The following PGLS variants were observed in gnomAD, a reference collection of about 807,000 sequenced individuals.
PGLS encodes 6-phosphogluconolactonase.
PGLS carries 21 observed loss-of-function variants against 23.2 expected under a neutral mutation model. The ratio of observed to expected loss-of-function variants is 0.91; its 90% confidence interval spans 0.64 to 1.31. The LOEUF (loss-of-function observed/expected upper bound fraction) is 1.31, where lower values mean the gene tolerates loss of function less well. PGLS is among the 50% of genes most tolerant of loss of function. The pLI, the probability that PGLS is intolerant of heterozygous loss-of-function variation, is 0.00. For synonymous variants in PGLS, 179 were observed against 165.4 expected (o/e 1.08, Z -0.63); for missense variants, 410 against 354.0 (o/e 1.16, Z -1.27).
chr19:17,513,512 T>TAAAAAAA (rs34816451), intron 1 of PGLS, among the ~76,000 whole-genome samples: 2 of 137,846 alleles, frequency 1.5e-5, no homozygotes, highest in Non-Finnish European at 3.1e-5. Context: ...GTCTTAAAGA[T>TAAAAAAA]AAAAAAAAAA....
At chr19:17,516,583 C>CA in intron 2 of PGLS, 8 of 709,598 alleles carry the variant, frequency 1.1e-5, no homozygotes, top group Non-Finnish European at 1.4e-5. Flanking sequence ...ACTTGTATTT[C>CA]TTTTTTTTTT....
At chr19:17,515,587 G>A (rs538095403) in intron 1 of PGLS, among the ~76,000 whole-genome samples, 2 of 152,252 alleles carry the variant, frequency 1.3e-5, no homozygotes, top group South Asian at 4.1e-4. Context: ...GGTGCAGGCG[G>A]GGGTGGCTGC....
At chr19:17,519,495 G>C (rs911581954) in intron 4 of PGLS, among the ~76,000 whole-genome samples, 1 of 151,608 alleles carries the variant, frequency 6.6e-6, no homozygotes, top group African/African-American at 2.4e-5. Flanking sequence ...CACCTCCCGG[G>C]TTCAAGTGCT....
At position 17,511,858 on chromosome 19, in the gene PGLS, CGCCCCTGCCGG is replaced by C; in HGVS notation, c.190_200del (p.Pro64SerfsTer2). On this transcript the variant is annotated frameshift_variant, in exon 1 of 5. Transcript: ENST00000252603. LOFTEE classifies it high-confidence loss of function. ...TAGCCCGCGAGCTACCCGCCGCCGT[CGCCCCTGCCGG>C]GCCAGCTAGCTTAGCGCGCTGGACG... 1 of 1,533,240 alleles carries C rather than the reference CGCCCCTGCCGG, an allele frequency of 6.5e-7. No individual in the cohort carries two copies. The highest frequency in any genetic ancestry group is 1.4e-5 in the African/African-American group (1 of 70,652). 95.0% of individuals were successfully genotyped at this position (1,533,240 alleles called of 1,614,324 possible). A position where few individuals can be genotyped will look rare whatever the true frequency, so the allele number is the denominator to read the frequency against.
intron 4 of PGLS, chr19:17,520,715 A>G: frequency 2.7e-6 from 1 of 370,132 alleles, no homozygotes; most frequent in African/African-American, 2.1e-5. Context: ...TGGGAGACAG[A>G]GTGAGACTCC....
chr19:17,517,177 C>T (rs1568433058), intron 2 of PGLS, 111 bp from the exon 3 acceptor site: 8 of 729,304 alleles, frequency 1.1e-5, no homozygotes, highest in East Asian at 5.2e-5. Context: ...GCCACCATGC[C>T]CAGCCACAGC....
chr19:17,519,698 C>T (rs1476504289), intron 4 of PGLS, among the ~76,000 whole-genome samples: 1 of 152,160 alleles, frequency 6.6e-6, no homozygotes, highest in Non-Finnish European at 1.5e-5. Context: ...CCGCACCCGG[C>T]CCAGAAAAGT....
chr19:17,517,266 G>A (rs750561927), intron 2 of PGLS, 22 bp from the exon 3 acceptor site: 2 of 1,548,814 alleles, frequency 1.3e-6, no homozygotes, highest in East Asian at 4.5e-5. Context: ...ACCTCTCAAG[G>A]CTGTCTTCTC....
At position 17,516,241 on chromosome 19, in the gene PGLS, G is replaced by A. The variant is rs145182623; in HGVS notation, c.357G>A (p.Val119=). 43 of 1,614,058 alleles carry A rather than the reference G, an allele frequency of 2.7e-5. No homozygotes were observed. The African/African-American group carries it at 4.8e-4, about 18-fold the overall frequency. The change falls in exon 2 of 5, where the codon GTG becomes GTA. Residue 119 remains valine, a synonymous_variant. Transcript: ENST00000252603. ...QVITINPELP[V]EEAAEDYAKK... ...TCACCATTAACCCCGAGCTGCCTGTGGAGGAGGCGGCTGAGGACTACGCCA... is the reference window on the plus strand; with the variant it reads ...TCACCATTAACCCCGAGCTGCCTGTAGAGGAGGCGGCTGAGGACTACGCCA...
chr19:17,512,013 C>A, intron 1 of PGLS, 53 bp downstream of exon 1: 1 of 1,483,242 alleles, frequency 6.7e-7, no homozygotes, highest in Non-Finnish European at 9.0e-7. Context: ...ACAGCCACCG[C>A]CTACACCCCG....
At chr19:17,512,085 C>A in intron 1 of PGLS, 125 bp downstream of exon 1, 1 of 1,028,298 alleles carries the variant, frequency 9.7e-7, no homozygotes, top group Non-Finnish European at 1.3e-6. Context: ...ACCTCGGCTA[C>A]GGGGGCCACT....
Position 17,521,099 on chromosome 19 carries a change from G to A in PGLS, c.*18G>A, listed in dbSNP as rs778832960. Reference sequence around the variant, plus strand: ...CTTTGTAGCTGGCCAGAGGGACGCCGCAGCTGGGACCAGGCACGCGGCCCA... The same window carrying A: ...CTTTGTAGCTGGCCAGAGGGACGCCACAGCTGGGACCAGGCACGCGGCCCA... On this transcript the variant is annotated 3_prime_UTR_variant, in exon 5 of 5. Transcript: ENST00000252603. 29 of 1,578,088 alleles carry A rather than the reference G, an allele frequency of 1.8e-5. No homozygotes were observed. Among genetic ancestry groups the A allele is most frequent in the East Asian group, 2.4e-5 (1 of 42,442 alleles).
chr19:17,513,873 G>A (rs1407636154), intron 1 of PGLS, among the ~76,000 whole-genome samples: 3 of 152,176 alleles, frequency 2.0e-5, no homozygotes, highest in South Asian at 2.1e-4. Context: ...GTGAGCATTC[G>A]TCAAGGGCTA....
At position 17,516,861 on chromosome 19, in the gene PGLS, T is replaced by C. The variant is rs185981367; in HGVS notation, c.397-427T>C. On this transcript the variant is annotated intron_variant, in intron 2 of 4. Transcript: ENST00000252603. ...CTTGGCCTCCAAAGTGCTGGGATTA[T>C]AGGCGTGAGCCACCATGGGCCTTTT... Among the ~76,000 whole-genome samples, 211 of 150,908 alleles carry C rather than the reference T, an allele frequency of 1.4e-3. 2 individuals carry two copies. In the East Asian group the frequency reaches 0.018, roughly 13 times the overall value.
rs2075539719 is a variant in PGLS, at chr19:17,517,722, A to G, written c.511A>G (p.Ile171Val). The G allele has an allele frequency of 6.2e-7, 1 of 1,614,106 alleles. No homozygotes were observed. Among genetic ancestry groups the G allele is most frequent in the East Asian group, 2.2e-5 (1 of 44,886 alleles). The change falls in exon 4 of 5, where the codon ATT becomes GTT. Residue 171 changes from isoleucine to valine, a missense_variant. By Grantham distance (29) the Ile-to-Val change is conservative. Transcript: ENST00000252603. ...CTTCCTCCCCAAGGAGCGGGAGAAG[A>G]TTGTGGCTCCCATCAGTGACTCCCC... ...DHPLLQEREK[I>V]VAPISDSPKP...
At position 17,517,916 on chromosome 19, in the gene PGLS, C is replaced by T. The variant is rs2075540973; in HGVS notation, c.639+66C>T. On this transcript the variant is annotated intron_variant, in intron 4 of 4. Coordinates refer to ENST00000252603, the MANE Select transcript of PGLS (RefSeq NM_012088.3). ...TGTGGGCCCCAGGGACAGAAAATGG[C>T]CCCAGACATTATTGTGCTGAAGCAT... The T allele has an allele frequency of 1.2e-5, 19 of 1,556,138 alleles. 2 individuals carry two copies. In the South Asian group the frequency reaches 1.9e-4, roughly 16 times the overall value.
intron 4 of PGLS, among the ~76,000 whole-genome samples, chr19:17,518,843 T>C (rs2075545043): frequency 6.6e-6 from 1 of 152,092 alleles, no homozygotes; most frequent in Non-Finnish European, 1.5e-5. Flanking sequence ...GTTTTTACTT[T>C]TCTAAGTGGT....
rs748266870 is a variant in PGLS, at chr19:17,521,037, G to A, written c.733G>A (p.Ala245Thr). The change falls in exon 5 of 5, where the codon GCC becomes ACC. Residue 245 changes from alanine to threonine, a missense_variant. Transcript: ENST00000252603. ...GTGCTGGTTCTTGGACGAGGCGGCC[G>A]CCCGCCTCCTGACCGTGCCCTTCGA... The part of the protein sequence containing the change: ...KLCWFLDEAA[A>T]RLLTVPFEKH... 20 of 1,600,738 alleles carry A rather than the reference G, an allele frequency of 1.2e-5. No homozygotes were observed. Among genetic ancestry groups the A allele is most frequent in the South Asian group, 4.5e-5 (4 of 89,246 alleles).
intron 2 of PGLS, 64 bp from the exon 3 acceptor site, chr19:17,517,224 C>T (rs2075537508): frequency 1.0e-6 from 1 of 973,108 alleles, no homozygotes; most frequent in East Asian, 2.4e-5. Flanking sequence ...GTTTCTGTGT[C>T]CTCTGAGTCT....
Sources: allele counts gnomAD v4.1 joint callset (sites outside exome capture counted in the v4.1 genomes callset), GRCh38; gene constraint gnomAD v4.1.1; transcripts MANE v1.5; gene names NCBI Gene and HGNC (gene_info 2026-07-23, HGNC 2026-07-21).